The following GMDS variants were observed in gnomAD, a reference collection of about 807,000 sequenced individuals.
GMDS encodes the protein GDP-mannose 4,6-dehydratase, also known as GDP-mannose 4,6 dehydratase.
In GMDS, 20 loss-of-function variants were observed where a neutral mutation model predicts 49.9. The ratio of observed to expected loss-of-function variants is 0.40; its 90% confidence interval spans 0.28 to 0.58. The LOEUF (loss-of-function observed/expected upper bound fraction) is 0.58. GMDS is among the 20% of genes least tolerant of loss of function. The pLI, the probability that GMDS is intolerant of heterozygous loss-of-function variation, is 0.42. For missense variants in GMDS, 362 were observed against 481.4 expected, an observed-to-expected ratio of 0.75 and a Z score of 2.32; for synonymous variants, 177 against 178.6, an observed-to-expected ratio of 0.99 and a Z score of 0.07.
intron 6 of GMDS, among the ~76,000 whole-genome samples, chr6:1,932,187 G>A (rs1762317253): frequency 6.6e-6 from 1 of 152,176 alleles, no homozygotes; most frequent in South Asian, 2.1e-4. Context: ...CAAAGATGAG[G>A]AAGGGCCTTT....
rs372480836 is a variant in GMDS at position 1,624,463 on chromosome 6, G to A, written c.1056+9C>T. Reference sequence around the variant, plus strand: ...GCAGCGGGCGGCGTGCGCCCTAAGAGATACTCACATCGAAAGCGACCCGGG... The same window carrying A: ...GCAGCGGGCGGCGTGCGCCCTAAGAAATACTCACATCGAAAGCGACCCGGG... On this transcript the variant is annotated intron_variant, in intron 10 of 10. Coordinates refer to ENST00000380815, the MANE Select transcript of GMDS (RefSeq NM_001500.4). 6.2e-7 allele frequency: 1 copy of A among 1,610,394 alleles called. No individual in the cohort carries two copies. Among genetic ancestry groups the A allele is most frequent in the Non-Finnish European group, 8.5e-7 (1 of 1,177,126 alleles).
chr6:2,239,066 C>T (rs183793488), intron 1 of GMDS, among the ~76,000 whole-genome samples: 3 of 152,228 alleles, frequency 2.0e-5, no homozygotes, highest in South Asian at 2.1e-4. Flanking sequence ...CGGTGGCTCA[C>T]GCCTATAATC....
At chr6:2,171,125 C>T (rs1407004238) in intron 1 of GMDS, among the ~76,000 whole-genome samples, 1 of 152,148 alleles carries the variant, frequency 6.6e-6, no homozygotes, top group Admixed American at 6.5e-5. Context: ...AATTCAGGAA[C>T]TCATGAACTT....
At chr6:2,174,095 T>C (rs1001672161) in intron 1 of GMDS, among the ~76,000 whole-genome samples, 2 of 152,228 alleles carry the variant, frequency 1.3e-5, no homozygotes, top group African/African-American at 4.8e-5. Context: ...TAACTAATCA[T>C]GTGACCTTGG....
At chr6:1,960,749 C>A in intron 5 of GMDS, 25 bp downstream of exon 5, 1 of 1,484,090 alleles carries the variant, frequency 6.7e-7, no homozygotes, top group Non-Finnish European at 9.2e-7. Context: ...CACACATGTG[C>A]TCCGGTGTGC....
At chr6:1,784,258 G>A (rs1418136699) in intron 7 of GMDS, among the ~76,000 whole-genome samples, 3 of 151,832 alleles carry the variant, frequency 2.0e-5, no homozygotes, top group Non-Finnish European at 4.4e-5. Flanking sequence ...TGGGTGTGGT[G>A]GCGGGCACCT....
chr6:2,209,381 A>G lies in GMDS; in HGVS notation c.102+35940T>C, dbSNP rs536085212. ...TGATGTTTTAAGCAGCCTCAGCTCA[A>G]TGGCAAATGCCAGAACTGGCTGACT... is the stretch of plus-strand genomic sequence containing the variant. On this transcript the variant is annotated intron_variant, in intron 1 of 10. Transcript: ENST00000380815. 2.6e-5 allele frequency among the ~76,000 whole-genome samples: 4 copies of G among 152,356 alleles called. No individual in the cohort carries two copies. The South Asian group carries it at 8.3e-4, about 32-fold the overall frequency.
At chr6:2,230,193 C>T (rs1781022552) in intron 1 of GMDS, among the ~76,000 whole-genome samples, 1 of 152,234 alleles carries the variant, frequency 6.6e-6, no homozygotes, top group Admixed American at 6.5e-5. Flanking sequence ...GCATTATCTA[C>T]ATCAGTCAAT....
At chr6:1,848,206 C>T (rs956826687) in intron 7 of GMDS, among the ~76,000 whole-genome samples, 5 of 152,116 alleles carry the variant, frequency 3.3e-5, no homozygotes, top group African/African-American at 9.7e-5. Flanking sequence ...CCCAACGTAC[C>T]GCCCCATTTC....
chr6:2,139,165 G>A (rs768746418), intron 1 of GMDS, among the ~76,000 whole-genome samples: 4 of 152,080 alleles, frequency 2.6e-5, no homozygotes, highest in Non-Finnish European at 2.9e-5. Context: ...ATTCACCCAC[G>A]TAACCAAGAA....
Position 1,722,260 on chromosome 6 carries a change from A to ATTATTATTATTATTATTATTATTATTT in GMDS, c.987+4155_987+4156insAAATAATAATAATAATAATAATAATAA, listed in dbSNP as rs59203891. Among the ~76,000 whole-genome samples the ATTATTATTATTATTATTATTATTATTT allele has an allele frequency of 8.8e-4, 124 of 140,852 alleles. 1 individual carries two copies. The highest frequency in any genetic ancestry group is 3.7e-3 in the South Asian group (15 of 4,050). The allele number at this position is 140,852 out of a possible 152,430, so 92.4% of individuals were successfully genotyped here. ...TATTATTATTAGTAGTAGTAGTAGT[A>ATTATTATTATTATTATTATTATTATTT]GTATTTTTAGTAGAGATGGGGTTTC... On this transcript the variant is annotated intron_variant, in intron 9 of 10. Transcript: ENST00000380815.
At chr6:1,788,750 ACT>A (rs1210557335) in intron 7 of GMDS, among the ~76,000 whole-genome samples, 1 of 152,174 alleles carries the variant, frequency 6.6e-6, no homozygotes, top group Non-Finnish European at 1.5e-5. Context: ...AATAATTTTA[ACT>A]CTTTCAAAAG....
rs71547227 is a variant in GMDS, at chr6:1,927,347, G to A, written c.771+2756C>T. Among the ~76,000 whole-genome samples the A allele has an allele frequency of 8.6e-3, 1,240 of 143,420 alleles. 3 individuals are homozygous for A. Among genetic ancestry groups the A allele is most frequent in the Middle Eastern group, 0.018 (5 of 278 alleles). The allele number at this position is 143,420 out of a possible 152,430, so 94.1% of individuals were successfully genotyped here. On this transcript the variant is annotated intron_variant, in intron 7 of 10. Coordinates refer to ENST00000380815, the MANE Select transcript of GMDS (RefSeq NM_001500.4). ...GGTGTATTTTTATTCGGAGGGTAGC[G>A]TGTTGGTGTATTTTTATTCAGAGGG...
intron 4 of GMDS, among the ~76,000 whole-genome samples, chr6:2,056,097 A>C (rs553493150): frequency 2.0e-3 from 310 of 152,310 alleles, no homozygotes; most frequent in African/African-American, 7.4e-3. Flanking sequence ...CAACTGAACC[A>C]AAACATTCTA....
chr6:1,692,947 T>C (rs1380752624), intron 9 of GMDS, among the ~76,000 whole-genome samples: 4 of 152,242 alleles, frequency 2.6e-5, no homozygotes, highest in African/African-American at 4.8e-5. Flanking sequence ...TGCCATTAAT[T>C]GTGAAATTTA....
At chr6:1,646,587 T>C (rs2569841) in intron 9 of GMDS, among the ~76,000 whole-genome samples, 57,648 of 151,810 alleles carry the variant, frequency 0.38, 11,228 homozygotes, top group East Asian at 0.63. Context: ...TTTTGCCATG[T>C]TGCCCGGGCT....
chr6:1,651,749 G>A (rs1344670084), intron 9 of GMDS, among the ~76,000 whole-genome samples: 1 of 152,198 alleles, frequency 6.6e-6, no homozygotes, highest in African/African-American at 2.4e-5. Flanking sequence ...AGACCCATGA[G>A]CCCTACCCCA....
chr6:2,214,794 C>T (rs1780244244), intron 1 of GMDS, among the ~76,000 whole-genome samples: 1 of 152,204 alleles, frequency 6.6e-6, no homozygotes, highest in African/African-American at 2.4e-5. Flanking sequence ...GGATTACAGG[C>T]AAGAGCCACC....
intron 4 of GMDS, among the ~76,000 whole-genome samples, chr6:1,995,401 G>A (rs1719407184): frequency 6.6e-6 from 1 of 152,164 alleles, no homozygotes; most frequent in Non-Finnish European, 1.5e-5. Context: ...TAAGGAAGAA[G>A]GAGAAGATGG....
Sources: allele counts gnomAD v4.1 joint callset (sites outside exome capture counted in the v4.1 genomes callset), GRCh38; gene constraint gnomAD v4.1.1; transcripts MANE v1.5; gene names NCBI Gene and HGNC (gene_info 2026-07-23, HGNC 2026-07-21).